The following WWOX variants were observed in gnomAD, a reference collection of about 807,000 sequenced individuals.
WWOX encodes the protein WW domain containing oxidoreductase, also known as WW domain-containing oxidoreductase.
A neutral mutation model predicts 46.2 loss-of-function variants in WWOX; 69 were observed. The observed-to-expected ratio is 1.49, with a 90% CI of 1.23 to 1.82. WWOX has a LOEUF of 1.82. Ranked by LOEUF, WWOX falls within the 40% of genes most tolerant of loss-of-function variation. The pLI, the probability that WWOX is intolerant of heterozygous loss-of-function variation, is 0.00. For missense variants in WWOX, 919 were observed against 542.6 expected, an observed-to-expected ratio of 1.69 and a Z score of -6.89; for synonymous variants, 359 against 202.6, an observed-to-expected ratio of 1.77 and a Z score of -6.56.
At chr16:78,173,652 C>T (rs774399323) in intron 5 of WWOX, among the ~76,000 whole-genome samples, 2 of 152,232 alleles carry the variant, frequency 1.3e-5, no homozygotes, top group East Asian at 3.9e-4. Context: ...ATATGACTCT[C>T]AGATTCTGGC....
chr16:78,704,927 T>TC (rs2048300178), intron 8 of WWOX, among the ~76,000 whole-genome samples: 1 of 151,404 alleles, frequency 6.6e-6, no homozygotes, highest in Non-Finnish European at 1.5e-5. Flanking sequence ...CTTGTTTTTT[T>TC]TTTTTTTAAA....
intron 5 of WWOX, among the ~76,000 whole-genome samples, chr16:78,372,485 G>A (rs919313154): frequency 2.6e-5 from 4 of 152,150 alleles, no homozygotes; most frequent in African/African-American, 4.8e-5. Context: ...ATAGAATCAC[G>A]CTGGGGAGGT....
At chr16:78,968,482 C>G (rs191500737) in intron 8 of WWOX, among the ~76,000 whole-genome samples, 1 of 152,180 alleles carries the variant, frequency 6.6e-6, no homozygotes, top group African/African-American at 2.4e-5. Context: ...CAGTCTTCAT[C>G]GTGGATGCAA....
At chr16:78,351,537 C>G (rs556476630) in intron 5 of WWOX, among the ~76,000 whole-genome samples, 1 of 152,228 alleles carries the variant, frequency 6.6e-6, no homozygotes, top group Non-Finnish European at 1.5e-5. Flanking sequence ...AGCAGGCTGC[C>G]TCTGTTTCTA....
intron 8 of WWOX, among the ~76,000 whole-genome samples, chr16:78,502,099 C>T (rs1397837009): frequency 6.6e-6 from 1 of 152,172 alleles, no homozygotes; most frequent in African/African-American, 2.4e-5. Context: ...TACTTGTCTT[C>T]CTTCCCAGGC....
In WWOX at chr16:78,977,393, T is replaced by G. The variant is rs529906633; in HGVS notation, c.1057-234215T>G. 3.9e-5 allele frequency among the ~76,000 whole-genome samples: 6 copies of G among 152,288 alleles called. No homozygotes were observed. In the East Asian group the frequency reaches 9.7e-4, roughly 25 times the overall value. On this transcript the variant is annotated intron_variant, in intron 8 of 8. Coordinates refer to ENST00000566780, the MANE Select transcript of WWOX (RefSeq NM_016373.4). ...CTTATTCGTTATGACCATAGAAGTT[T>G]GTGGGGTGGCACTCTTTATTCTGTC...
chr16:78,636,318 A>G (rs574658425), intron 8 of WWOX, among the ~76,000 whole-genome samples: 8 of 152,278 alleles, frequency 5.3e-5, no homozygotes, highest in African/African-American at 1.7e-4. Flanking sequence ...CATCACAGCC[A>G]AAGACCCCCA....
At chr16:78,936,285 C>G (rs757711122) in intron 8 of WWOX, among the ~76,000 whole-genome samples, 7 of 152,132 alleles carry the variant, frequency 4.6e-5, no homozygotes, top group Non-Finnish European at 7.4e-5. Flanking sequence ...TTGGACAGAG[C>G]TTAAGATGGC....
At chr16:78,852,414 C>G (rs1263936944) in intron 8 of WWOX, among the ~76,000 whole-genome samples, 1 of 152,170 alleles carries the variant, frequency 6.6e-6, no homozygotes, top group African/African-American at 2.4e-5. Context: ...TGCGAGGATA[C>G]TCAAACAGCA....
chr16:78,904,872 T>C (rs948222430), intron 8 of WWOX, among the ~76,000 whole-genome samples: 21 of 152,220 alleles, frequency 1.4e-4, no homozygotes, highest in African/African-American at 4.8e-4. Context: ...TTTCTCCTTT[T>C]AAAGAAGCAC....
At chr16:79,193,912 C>A (rs750163187) in intron 8 of WWOX, among the ~76,000 whole-genome samples, 2 of 152,154 alleles carry the variant, frequency 1.3e-5, no homozygotes, top group Non-Finnish European at 2.9e-5. Context: ...TACAACATGG[C>A]CTTTGGAGTC....
chr16:78,365,955 G>T (rs886554340), intron 5 of WWOX, among the ~76,000 whole-genome samples: 1 of 152,158 alleles, frequency 6.6e-6, no homozygotes, highest in Non-Finnish European at 1.5e-5. Flanking sequence ...GAAGTATTAT[G>T]CCCATGTGCC....
intron 8 of WWOX, among the ~76,000 whole-genome samples, chr16:78,783,855 T>C (rs895671975): frequency 6.8e-6 from 1 of 147,028 alleles, no homozygotes; most frequent in Non-Finnish European, 1.5e-5. Flanking sequence ...GATGGTGATA[T>C]GACGCTGATG....
At chr16:78,996,478 A>C (rs559294317) in intron 8 of WWOX, 1 of 249,556 alleles carries the variant, frequency 4.0e-6, no homozygotes, top group East Asian at 1.8e-4. Flanking sequence ...ACCCATGGGT[A>C]TGCATTCATA....
chr16:79,102,402 A>G (rs114302042), intron 8 of WWOX, among the ~76,000 whole-genome samples: 3,692 of 152,238 alleles, frequency 0.024, 167 homozygotes, highest in African/African-American at 0.084. Flanking sequence ...TTATGAATGT[A>G]TGGAATATTA....
intron 1 of WWOX, chr16:78,100,269 G>T: frequency 4.6e-6 from 5 of 1,098,804 alleles, no homozygotes; most frequent in Non-Finnish European, 5.6e-6. Flanking sequence ...GTTTTGTTTT[G>T]TCCAGACCGG....
At chr16:78,619,852 T>C (rs1309374802) in intron 8 of WWOX, among the ~76,000 whole-genome samples, 1 of 152,022 alleles carries the variant, frequency 6.6e-6, no homozygotes, top group African/African-American at 2.4e-5. Context: ...GAACCATGAT[T>C]GCACCGTTGT....
chr16:78,779,324 T>G (rs926583473), intron 8 of WWOX, among the ~76,000 whole-genome samples: 13 of 152,146 alleles, frequency 8.5e-5, no homozygotes, highest in Non-Finnish European at 1.8e-4. Flanking sequence ...TTTATTTATT[T>G]TTAGTAGAGA....
chr16:78,147,675 C>CTTTTTTTT (rs33931881), intron 4 of WWOX, among the ~76,000 whole-genome samples: 12 of 90,634 alleles, frequency 1.3e-4, no homozygotes, highest in African/African-American at 5.5e-4. Flanking sequence ...TTCTTTCTTC[C>CTTTTTTTT]TTTTTTTTTT....
Sources: allele counts gnomAD v4.1 joint callset (sites outside exome capture counted in the v4.1 genomes callset), GRCh38; gene constraint gnomAD v4.1.1; transcripts MANE v1.5; gene names NCBI Gene and HGNC (gene_info 2026-07-23, HGNC 2026-07-21).